ANKS1A: variants seen among roughly 807,000 people sequenced by gnomAD.
The protein encoded by ANKS1A is ankyrin repeat and sterile alpha motif domain containing 1A.
In ANKS1A, 55 loss-of-function variants were observed where a neutral mutation model predicts 120.3. That is an observed-to-expected ratio of 0.46 (90% confidence interval 0.37 to 0.57). The LOEUF is 0.57. ANKS1A is among the 20% of genes least tolerant of loss of function. ANKS1A has a pLI of 0.00. For missense variants in ANKS1A, 1,123 were observed against 1,480.3 expected, an observed-to-expected ratio of 0.76 and a Z score of 3.96; for synonymous variants, 590 against 604.7, an observed-to-expected ratio of 0.98 and a Z score of 0.36.
intron 1 of ANKS1A, among the ~76,000 whole-genome samples, chr6:34,928,021 G>A (rs573224173): frequency 1.3e-5 from 2 of 152,250 alleles, no homozygotes; most frequent in African/African-American, 4.8e-5. Flanking sequence ...ACTTGATGCA[G>A]ACCCCACATG....
chr6:34,991,455 T>C lies in ANKS1A; in HGVS notation c.1302+2139T>C, dbSNP rs140334194. The stretch of plus-strand genomic sequence containing the variant: ...TCCCACACCCCAACTGGACATTCCA[T>C]TGGTCACTGTTAGGTGGTGACTGCT... On this transcript the variant is annotated intron_variant, in intron 9 of 23. Coordinates refer to ENST00000360359, the MANE Select transcript of ANKS1A (RefSeq NM_015245.3). Among the ~76,000 whole-genome samples the C allele has an allele frequency of 4.0e-4, 61 of 151,642 alleles. No individual in the cohort carries two copies. In the East Asian group the frequency reaches 7.8e-3, roughly 19 times the overall value.
chr6:35,076,248 C>T (rs1469392765), intron 13 of ANKS1A, among the ~76,000 whole-genome samples: 1 of 152,052 alleles, frequency 6.6e-6, no homozygotes, highest in African/African-American at 2.4e-5. Context: ...ACGATGAAAC[C>T]CAGTCTTTAC....
At chr6:34,997,160 A>G (rs1772898584) in intron 10 of ANKS1A, among the ~76,000 whole-genome samples, 1 of 151,102 alleles carries the variant, frequency 6.6e-6, no homozygotes, top group Non-Finnish European at 1.5e-5. Flanking sequence ...TGAAGAATTG[A>G]TAACTATATT....
chr6:34,985,255 G>A lies in ANKS1A; in HGVS notation c.1186G>A (p.Val396Met), dbSNP rs1251234322. The change falls in exon 8 of 24, where the codon GTG (valine) becomes ATG (methionine). Residue 396 changes from valine (V) to methionine (M), a missense_variant. Physicochemically the swap from Val to Met is conservative, Grantham distance 21. Transcript: ENST00000360359. ...STNKEAEAAG[V>M]KPAGVRPRER... ...GAACAAGGAGGCTGAGGCAGCAGGA[G>A]TGAAACCTGCTGGAGTGAGGCCTGT... 2 of 1,613,894 alleles carry A rather than the reference G, an allele frequency of 1.2e-6. No homozygotes were observed. The highest frequency in any genetic ancestry group is 1.7e-6 in the Non-Finnish European group (2 of 1,180,014).
chr6:35,021,696 A>T (rs1307311341), intron 11 of ANKS1A, among the ~76,000 whole-genome samples: 1 of 152,170 alleles, frequency 6.6e-6, no homozygotes, highest in African/African-American at 2.4e-5. Flanking sequence ...TATGAAATGC[A>T]GAGCTCAGGC....
intron 10 of ANKS1A, among the ~76,000 whole-genome samples, chr6:34,997,189 G>T: frequency 7.4e-6 from 1 of 135,992 alleles, no homozygotes. Flanking sequence ...CAATCATATT[G>T]GTAGAATTTT....
At chr6:34,976,766 CTG>C (rs1483079651) in intron 3 of ANKS1A, among the ~76,000 whole-genome samples, 15 of 107,910 alleles carry the variant, frequency 1.4e-4, no homozygotes, top group South Asian at 9.3e-4. Flanking sequence ...TTTTCTCTTT[CTG>C]TGTGTGTGCG....
chr6:35,003,490 A>C (rs888236425), intron 10 of ANKS1A, among the ~76,000 whole-genome samples: 4 of 152,246 alleles, frequency 2.6e-5, no homozygotes, highest in East Asian at 1.9e-4. Flanking sequence ...GACATAGTTA[A>C]AAATATGACA....
intron 3 of ANKS1A, among the ~76,000 whole-genome samples, chr6:34,976,143 A>AAAAAAAAAG (rs1392638866): frequency 6.6e-6 from 1 of 150,604 alleles, no homozygotes. Flanking sequence ...TCTCAAAAAA[A>AAAAAAAAAG]AAAAAAAAGA....
At chr6:34,931,601 G>A (rs1403383535) in intron 1 of ANKS1A, among the ~76,000 whole-genome samples, 1 of 152,118 alleles carries the variant, frequency 6.6e-6, no homozygotes, top group Admixed American at 6.6e-5. Flanking sequence ...CACAATCTTA[G>A]GTGGTTTTTA....
chr6:35,040,293 G>A (rs907231559), intron 11 of ANKS1A, among the ~76,000 whole-genome samples: 1 of 152,212 alleles, frequency 6.6e-6, no homozygotes, highest in Non-Finnish European at 1.5e-5. Flanking sequence ...TTTCTCACCT[G>A]CAAAATTGAG....
At chr6:34,896,759 G>C (rs1767107414) in intron 1 of ANKS1A, among the ~76,000 whole-genome samples, 1 of 152,304 alleles carries the variant, frequency 6.6e-6, no homozygotes, top group African/African-American at 2.4e-5. Context: ...GAGGTCAGGA[G>C]TTAGAGACCA....
chr6:35,081,676 C>T (rs1473705493), intron 17 of ANKS1A, among the ~76,000 whole-genome samples: 1 of 152,246 alleles, frequency 6.6e-6, no homozygotes, highest in African/African-American at 2.4e-5. Flanking sequence ...CCTGCAGCCC[C>T]GTGGGGGGCA....
At chr6:35,062,806 A>G (rs544148585) in intron 13 of ANKS1A, among the ~76,000 whole-genome samples, 2 of 152,276 alleles carry the variant, frequency 1.3e-5, no homozygotes, top group African/African-American at 4.8e-5. Context: ...AGTGACAAGG[A>G]ATTCACTACC....
At chr6:35,006,378 T>C (rs1773458033) in intron 10 of ANKS1A, among the ~76,000 whole-genome samples, 1 of 152,028 alleles carries the variant, frequency 6.6e-6, no homozygotes, top group African/African-American at 2.4e-5. Context: ...GTAATTGGAT[T>C]GTTTGTAACA....
chr6:35,093,048 T>C (rs1374329576), downstream of ANKS1A, among the ~76,000 whole-genome samples: 1 of 151,946 alleles, frequency 6.6e-6, no homozygotes, highest in Non-Finnish European at 1.5e-5. Context: ...AGGCCGACTA[T>C]CTAGTGTGTC....
In ANKS1A at chr6:34,890,000, G is replaced by GT. The variant is rs2127436847; in HGVS notation, c.197+402dup. On this transcript the variant is annotated intron_variant, in intron 1 of 23. Coordinates refer to ENST00000360359, the MANE Select transcript of ANKS1A (RefSeq NM_015245.3). The surrounding 1 kb of genome is among the most constrained non-coding windows in gnomAD (Gnocchi z 5.5). ...CCTCCTGCAGAAACTCCTACGCCTTGTAGAATCTCGAGGCTCCTCTGGAGG... is the reference window on the plus strand; with the variant it reads ...CCTCCTGCAGAAACTCCTACGCCTTGTTAGAATCTCGAGGCTCCTCTGGAGG... Among the ~76,000 whole-genome samples, 1 of 152,212 alleles carries GT rather than the reference G, an allele frequency of 6.6e-6. No homozygotes were observed. Among genetic ancestry groups the GT allele is most frequent in the Non-Finnish European group, 1.5e-5 (1 of 68,006 alleles).
chr6:35,089,856 G>A lies in ANKS1A; in HGVS notation c.*1247G>A. On this transcript the variant is annotated 3_prime_UTR_variant, in exon 24 of 24. Transcript: ENST00000360359. Reference sequence around the variant, plus strand: ...AGCTGTGTGCCCAGTTCCTCCTGTGGGCACTTTAGCAGGCTCCGAGCTTTC... The same window carrying A: ...AGCTGTGTGCCCAGTTCCTCCTGTGAGCACTTTAGCAGGCTCCGAGCTTTC... 1.9e-6 allele frequency: 2 copies of A among 1,075,304 alleles called. No homozygotes were observed. Among genetic ancestry groups the A allele is most frequent in the Non-Finnish European group, 2.3e-6 (2 of 883,366 alleles). 66.6% of individuals were successfully genotyped at this position (1,075,304 alleles called of 1,614,324 possible).
At chr6:34,973,887 A>ACTTCCC (rs1561881768) in intron 3 of ANKS1A, among the ~76,000 whole-genome samples, 1 of 10,834 alleles carries the variant, frequency 9.2e-5, no homozygotes, top group Admixed American at 1.0e-3. Flanking sequence ...CTTCCCCTTC[A>ACTTCCC]CTTCCCCTTC....
Sources: allele counts gnomAD v4.1 joint callset (sites outside exome capture counted in the v4.1 genomes callset), GRCh38; gene constraint gnomAD v4.1.1; non-coding constraint Gnocchi (gnomAD v3.1); transcripts MANE v1.5; gene names NCBI Gene and HGNC (gene_info 2026-07-23, HGNC 2026-07-21).